The following IRAK1BP1 variants were observed in gnomAD, a reference collection of about 807,000 sequenced individuals.
IRAK1BP1 encodes the protein interleukin 1 receptor associated kinase 1 binding protein 1, also known as interleukin-1 receptor-associated kinase 1-binding protein 1.
A neutral mutation model predicts 28.0 loss-of-function variants in IRAK1BP1; 24 were observed. That is an observed-to-expected ratio of 0.86 (90% CI 0.62 to 1.20). The LOEUF (loss-of-function observed/expected upper bound fraction) is 1.20, where lower values mean the gene tolerates loss of function less well. Ranked by LOEUF, IRAK1BP1 falls within the 50% of genes most tolerant of loss-of-function variation. The pLI is 0.00. For missense variants in IRAK1BP1, 336 were observed against 316.7 expected, an observed-to-expected ratio of 1.06 and a Z score of -0.46; for synonymous variants, 131 against 116.3, an observed-to-expected ratio of 1.13 and a Z score of -0.81.
At chr6:78,962,630 G>T in the IRAK1BP1 span, among the ~76,000 whole-genome samples, 849 of 152,146 alleles carry the variant, frequency 5.6e-3, 6 homozygotes, top group African/African-American at 0.02. Flanking sequence ...ATCAAGTTTT[G>T]TGGTCACTGT....
At chr6:78,973,668 A>G in the IRAK1BP1 span, among the ~76,000 whole-genome samples, 1 of 150,170 alleles carries the variant, frequency 6.7e-6, no homozygotes, top group African/African-American at 2.5e-5. Context: ...GCTCAAAATA[A>G]AAGGATGGAG....
intron 4 of IRAK1BP1, among the ~76,000 whole-genome samples, chr6:78,930,807 T>C (rs1773022750): frequency 6.6e-6 from 1 of 151,642 alleles, no homozygotes; most frequent in South Asian, 2.1e-4. Flanking sequence ...TGGTGAGCGC[T>C]TGTAGTCCCA....
At chr6:78,957,453 T>C in the IRAK1BP1 span, 5 of 151,912 alleles carry the variant, frequency 3.3e-5, no homozygotes, top group Non-Finnish European at 7.4e-5. Context: ...GCACAAACTT[T>C]ACCTTATTAA....
chr6:78,908,374 G>C (rs1772315377), intron 4 of IRAK1BP1, among the ~76,000 whole-genome samples: 1 of 152,048 alleles, frequency 6.6e-6, no homozygotes, highest in African/African-American at 2.4e-5. Context: ...TTTTAGAGCA[G>C]GGTCACACTC....
intron 1 of IRAK1BP1, chr6:78,871,166 G>C (rs1242094183): frequency 1.5e-6 from 1 of 655,502 alleles, no homozygotes; most frequent in Admixed American, 6.4e-5. Context: ...GGTATATAGT[G>C]AATGCTACCA....
At chr6:78,920,759 T>C (rs1346190055) in intron 4 of IRAK1BP1, among the ~76,000 whole-genome samples, 4 of 152,022 alleles carry the variant, frequency 2.6e-5, no homozygotes, top group African/African-American at 9.7e-5. Flanking sequence ...CCAAAAGCAA[T>C]TGAAACAAAA....
At chr6:78,890,033 A>G (rs776108434) in intron 2 of IRAK1BP1, among the ~76,000 whole-genome samples, 2 of 152,180 alleles carry the variant, frequency 1.3e-5, no homozygotes, top group African/African-American at 2.4e-5. Context: ...ATGCCCATCA[A>G]TGATAAACTG....
At chr6:78,918,938 A>C (rs759238434) in intron 4 of IRAK1BP1, among the ~76,000 whole-genome samples, 2 of 152,224 alleles carry the variant, frequency 1.3e-5, no homozygotes, top group Non-Finnish European at 2.9e-5. Context: ...TCCAAGATTG[A>C]CCACATGCTT....
chr6:78,927,140 G>C (rs1772911220), intron 4 of IRAK1BP1, among the ~76,000 whole-genome samples: 2 of 152,064 alleles, frequency 1.3e-5, no homozygotes, highest in South Asian at 4.1e-4. Flanking sequence ...CTCCATAGTG[G>C]TTATACTAAT....
rs139120767 is a variant in IRAK1BP1 at position 78,943,490 on chromosome 6, C to T, written c.*68-1918C>T. On this transcript the variant is annotated intron_variant and NMD_transcript_variant, in intron 4 of 4. Transcript: ENST00000606868. ...CTCTAAATTCAGTTCAGAAAGGGGG[C>T]AGATTATTAAAAATGTGAAACACTC... Among the ~76,000 whole-genome samples the T allele has an allele frequency of 6.4e-4, 97 of 152,202 alleles. 1 individual carries two copies. The South Asian group carries it at 8.1e-3, about 13-fold the overall frequency.
chr6:78,867,613 G>A lies in IRAK1BP1; in HGVS notation c.37G>A (p.Val13Met). 2.5e-6 allele frequency: 4 copies of A among 1,614,186 alleles called. No homozygotes were observed. The highest frequency in any genetic ancestry group is 3.4e-6 in the Non-Finnish European group (4 of 1,180,028). The stretch of plus-strand genomic sequence containing the variant: ...AAAGACCCCTCCGACCCGAGTGTTC[G>A]TGGAACTGGTTCCCTGGGCTGACCG... ...LQKTPPTRVF[V>M]ELVPWADRSR... The change falls in exon 1 of 4, where the codon GTG becomes ATG. Residue 13 changes from valine to methionine, a missense_variant. Val to Met is a conservative substitution (Grantham distance 21). Coordinates refer to ENST00000369940, the MANE Select transcript of IRAK1BP1 (RefSeq NM_001010844.4).
At chr6:78,964,022 T>A in the IRAK1BP1 span, among the ~76,000 whole-genome samples, 1 of 152,208 alleles carries the variant, frequency 6.6e-6, no homozygotes, top group Non-Finnish European at 1.5e-5. Flanking sequence ...GTATCACTTA[T>A]TCATTTAAAA....
At chr6:78,909,588 G>C (rs571771043) in intron 4 of IRAK1BP1, among the ~76,000 whole-genome samples, 1 of 152,196 alleles carries the variant, frequency 6.6e-6, no homozygotes, top group African/African-American at 2.4e-5. Flanking sequence ...CTCTAAATCT[G>C]AACAGCACTG....
At chr6:78,924,018 CAA>C (rs897468683) in intron 4 of IRAK1BP1, among the ~76,000 whole-genome samples, 29 of 152,152 alleles carry the variant, frequency 1.9e-4, no homozygotes, top group African/African-American at 6.7e-4. Context: ...ACTAGAGAAA[CAA>C]GAGCAAACAC....
the IRAK1BP1 span, among the ~76,000 whole-genome samples, chr6:78,951,912 A>G: frequency 1.3e-5 from 2 of 152,206 alleles, no homozygotes; most frequent in African/African-American, 4.8e-5. Context: ...AGTTTTGTCT[A>G]TAAATCTTAG....
Position 78,871,552 on chromosome 6 carries a change from C to G in IRAK1BP1, c.315+3661C>G, listed in dbSNP as rs140863630. ...GACACATCAAGGCATATAGTTCTTG[C>G]AATGGACTAAATGTTTGTTTCCCCC... On this transcript the variant is annotated intron_variant, in intron 1 of 3. Coordinates refer to ENST00000369940, the MANE Select transcript of IRAK1BP1 (RefSeq NM_001010844.4). 5.3e-4 allele frequency: 522 copies of G among 983,400 alleles called. 2 individuals are homozygous for G. The African/African-American group carries it at 8.6e-3, about 16-fold the overall frequency. 60.9% of individuals were successfully genotyped at this position (983,400 alleles called of 1,614,324 possible).
chr6:78,906,535 GTATT>G (rs772174570), downstream of IRAK1BP1, among the ~76,000 whole-genome samples: 3 of 152,098 alleles, frequency 2.0e-5, no homozygotes, highest in Non-Finnish European at 4.4e-5. Context: ...TAATGTGTAA[GTATT>G]CAAATCACCA....
chr6:78,913,412 G>A (rs905412684), intron 4 of IRAK1BP1, among the ~76,000 whole-genome samples: 5 of 152,094 alleles, frequency 3.3e-5, no homozygotes, highest in African/African-American at 4.8e-5. Flanking sequence ...TTGGGAGGCC[G>A]AGGCAGGTGG....
downstream of IRAK1BP1, among the ~76,000 whole-genome samples, chr6:78,951,425 G>A (rs540887660): frequency 5.7e-4 from 87 of 152,168 alleles, no homozygotes; most frequent in Middle Eastern, 0.01. Context: ...AACTCAAAAT[G>A]TGAACCAATA....
Sources: gnomAD v4.1 joint callset for allele counts (sites outside exome capture counted in the v4.1 genomes callset) on GRCh38, gnomAD v4.1.1 for gene constraint, MANE v1.5 for transcripts, NCBI Gene and HGNC (gene_info 2026-07-23, HGNC 2026-07-21) for gene names.